PLCB4: variants seen among roughly 807,000 people sequenced by gnomAD.
The protein encoded by PLCB4 is 1-phosphatidylinositol 4,5-bisphosphate phosphodiesterase beta-4.
In PLCB4, 77 loss-of-function variants were observed where a neutral mutation model predicts 178.8. The observed-to-expected ratio is 0.43, with a 90% CI of 0.36 to 0.52. The LOEUF is 0.52. Among genes scored for constraint, PLCB4 ranks in the 20% least tolerant of loss-of-function variants. The pLI is 0.00. For synonymous variants in PLCB4, 496 were observed against 490.8 expected (o/e 1.01, Z -0.14); for missense variants, 1,024 against 1,453.4 (o/e 0.70, Z 4.80).
chr20:9,092,938 A>G (rs2090749293), intron 1 of PLCB4, among the ~76,000 whole-genome samples: 1 of 152,160 alleles, frequency 6.6e-6, no homozygotes, highest in South Asian at 2.1e-4. Context: ...AAATCGTTTC[A>G]GCTTAGTATA....
chr20:9,095,082 T>A (rs374782567), intron 1 of PLCB4, among the ~76,000 whole-genome samples: 1 of 152,168 alleles, frequency 6.6e-6, no homozygotes, highest in Non-Finnish European at 1.5e-5. Flanking sequence ...AGGAGAGAGG[T>A]TCTGCAGCTA....
At chr20:9,256,361 C>T (rs2094235615) in intron 3 of PLCB4, among the ~76,000 whole-genome samples, 1 of 152,120 alleles carries the variant, frequency 6.6e-6, no homozygotes, top group Non-Finnish European at 1.5e-5. Context: ...ACATCCTGTA[C>T]CTCCAGTGTC....
intron 25 of PLCB4, among the ~76,000 whole-genome samples, chr20:9,416,811 A>G (rs1046239835): frequency 1.3e-5 from 2 of 152,218 alleles, no homozygotes; most frequent in African/African-American, 2.4e-5. Context: ...TATATTCTTG[A>G]TAAAAAATCA....
At chr20:9,113,145 T>C (rs2091645424) in intron 2 of PLCB4, among the ~76,000 whole-genome samples, 1 of 152,202 alleles carries the variant, frequency 6.6e-6, no homozygotes, top group African/African-American at 2.4e-5. Context: ...AAAAATGGAC[T>C]CTTTAAAGTA....
intron 4 of PLCB4, among the ~76,000 whole-genome samples, chr20:9,324,558 GT>G (rs1386084190): frequency 1.3e-5 from 2 of 152,154 alleles, no homozygotes; most frequent in African/African-American, 4.8e-5. Context: ...TGTCTTGGGG[GT>G]TTGTTTCTAG....
At position 9,091,874 on chromosome 20, in the gene PLCB4, G is replaced by T. The variant is rs765271814; in HGVS notation, c.-134-4413G>T. On this transcript the variant is annotated intron_variant, in intron 1 of 39. Coordinates refer to ENST00000378473, the MANE Select transcript of PLCB4 (RefSeq NM_001377142.1). ...GCTTTTCATAAAGTCTCTTGGAAAA[G>T]TAATCTCTATGTAGTTTTGCTTCTT... Among the ~76,000 whole-genome samples, 24 of 152,002 alleles carry T rather than the reference G, an allele frequency of 1.6e-4. No homozygotes were observed. The Middle Eastern group carries it at 0.01, about 65-fold the overall frequency.
intron 33 of PLCB4, among the ~76,000 whole-genome samples, chr20:9,455,073 C>T (rs957508777): frequency 6.6e-6 from 1 of 152,150 alleles, no homozygotes. Context: ...AGATTCTAAC[C>T]ACATCAGCTT....
chr20:9,135,766 G>A (rs973164063), intron 2 of PLCB4, among the ~76,000 whole-genome samples: 2 of 151,956 alleles, frequency 1.3e-5, no homozygotes, highest in Non-Finnish European at 2.9e-5. Context: ...TTTTTCTATT[G>A]TATAGAAAAG....
Position 9,478,966 on chromosome 20 carries a change from C to T in PLCB4, c.3578C>T (p.Pro1193Leu), listed in dbSNP as rs1188180544. 4 of 1,613,566 alleles carry T rather than the reference C, an allele frequency of 2.5e-6. No individual in the cohort carries two copies. The highest frequency in any genetic ancestry group is 2.2e-5 in the South Asian group (2 of 91,040). ...GGTGAAATTGGAAGCCGAGATGGACCGCAGACCAGCAACAGTAGTATGAAA... is the reference window on the plus strand; with the variant it reads ...GGTGAAATTGGAAGCCGAGATGGACTGCAGACCAGCAACAGTAGTATGAAA... ...ADGEIGSRDGPQTSNSSMKLQ... is the reference protein window; with the variant it reads ...ADGEIGSRDGLQTSNSSMKLQ... Residue 1193 changes from proline to leucine, a missense_variant, in exon 40 of 40, where the codon CCG (proline) becomes CTG (leucine). Pro to Leu is a moderately conservative substitution (Grantham distance 98). Around this residue, in one of 7 missense-constraint regions of PLCB4, gnomAD observed 264 missense variants for 283.2 expected, o/e 0.93. Coordinates refer to ENST00000378473, the MANE Select transcript of PLCB4 (RefSeq NM_001377142.1).
intron 4 of PLCB4, among the ~76,000 whole-genome samples, chr20:9,335,931 A>G (rs972124203): frequency 6.6e-6 from 1 of 152,170 alleles, no homozygotes; most frequent in African/African-American, 2.4e-5. Context: ...AGGGACCCCT[A>G]GGACTACTTT....
chr20:9,341,789 G>A (rs898789634), intron 7 of PLCB4, among the ~76,000 whole-genome samples: 1 of 152,010 alleles, frequency 6.6e-6, no homozygotes, highest in Non-Finnish European at 1.5e-5. Flanking sequence ...AAGATTTGAA[G>A]GTTTTCTCCT....
intron 25 of PLCB4, among the ~76,000 whole-genome samples, chr20:9,415,936 A>T (rs1427532971): frequency 6.6e-6 from 1 of 152,024 alleles, no homozygotes; most frequent in African/African-American, 2.4e-5. Context: ...ATGAGAGGCA[A>T]CCTCTGCTGC....
At position 9,070,738 on chromosome 20, in the gene PLCB4, C is replaced by T. The variant is rs374649207; in HGVS notation, c.-135+1532C>T. Reference sequence around the variant, plus strand: ...CAGACGAGTAACCTTTTGAATGTGACGTATTATAACATATCTAAAGGTACC... The same window carrying T: ...CAGACGAGTAACCTTTTGAATGTGATGTATTATAACATATCTAAAGGTACC... On this transcript the variant is annotated intron_variant, in intron 1 of 39. Coordinates refer to ENST00000378473, the MANE Select transcript of PLCB4 (RefSeq NM_001377142.1). 5.3e-5 allele frequency among the ~76,000 whole-genome samples: 8 copies of T among 152,120 alleles called. No individual in the cohort carries two copies. The South Asian group carries it at 1.0e-3, about 20-fold the overall frequency.
At chr20:9,280,539 G>A in intron 3 of PLCB4, 2 of 766,802 alleles carry the variant, frequency 2.6e-6, no homozygotes, top group Non-Finnish European at 3.2e-6. Context: ...TAGCAAACAG[G>A]AAAGCATTCT....
At chr20:9,417,625 C>T (rs1453200267) in intron 25 of PLCB4, among the ~76,000 whole-genome samples, 1 of 152,016 alleles carries the variant, frequency 6.6e-6, no homozygotes, top group Non-Finnish European at 1.5e-5. Context: ...GGGTAATTTC[C>T]ATCTCTGGAT....
At chr20:9,140,187 C>T (rs1403941614) in intron 2 of PLCB4, among the ~76,000 whole-genome samples, 1 of 152,094 alleles carries the variant, frequency 6.6e-6, no homozygotes, top group African/African-American at 2.4e-5. Flanking sequence ...CCCTATCTGT[C>T]AGCTAACTTC....
chr20:9,228,089 G>A (rs1165974311), intron 3 of PLCB4, among the ~76,000 whole-genome samples: 1 of 152,146 alleles, frequency 6.6e-6, no homozygotes, highest in Non-Finnish European at 1.5e-5. Flanking sequence ...AAAGCTGCTT[G>A]TTAGAATTCC....
At chr20:9,371,944 C>T (rs1043064883) in intron 10 of PLCB4, among the ~76,000 whole-genome samples, 5 of 152,114 alleles carry the variant, frequency 3.3e-5, no homozygotes, top group Non-Finnish European at 7.3e-5. Flanking sequence ...ATAATTAAAC[C>T]TTGGGCTTGA....
At chr20:9,250,674 T>C (rs1372705911) in intron 3 of PLCB4, among the ~76,000 whole-genome samples, 2 of 152,246 alleles carry the variant, frequency 1.3e-5, no homozygotes, top group Non-Finnish European at 2.9e-5. Flanking sequence ...GGAAGTGGCA[T>C]GCCCATCATC....
Sources: allele counts gnomAD v4.1 joint callset (sites outside exome capture counted in the v4.1 genomes callset), GRCh38; gene constraint gnomAD v4.1.1; regional missense constraint gnomAD v4.1.1; transcripts MANE v1.5; gene names NCBI Gene and HGNC (gene_info 2026-07-23, HGNC 2026-07-21).